NINL: variants seen among roughly 807,000 people sequenced by gnomAD.
NINL encodes ninein-like protein.
Under a neutral mutation model 160.3 loss-of-function variants are expected in NINL, and 153 were observed. That is an observed-to-expected ratio of 0.95 (90% CI 0.84 to 1.09). NINL has a LOEUF of 1.09. NINL is among the 50% of genes least tolerant of loss of function. The pLI, the probability that NINL is intolerant of heterozygous loss-of-function variation, is 0.00. For synonymous variants in NINL, 800 were observed against 734.8 expected (o/e 1.09, Z -1.43); for missense variants, 1,829 against 1,764.0 (o/e 1.04, Z -0.66).
chr20:25,470,104 A>G lies in NINL; in HGVS notation c.3249-9T>C. 6.2e-7 allele frequency: 1 copy of G among 1,611,574 alleles called. No individual in the cohort carries two copies. The highest frequency in any genetic ancestry group is 1.7e-5 in the Admixed American group (1 of 60,024). On this transcript the variant is annotated splice_polypyrimidine_tract_variant and intron_variant, in intron 17 of 23. Coordinates refer to ENST00000278886, the MANE Select transcript of NINL (RefSeq NM_025176.6). ...GTCTATGGAACTCCAGTCTGCGTAA[A>G]AATTGAGAAAAGACCGGTGAGCACT...
At chr20:25,564,749 T>C (rs1255718016) in intron 1 of NINL, among the ~76,000 whole-genome samples, 1 of 151,772 alleles carries the variant, frequency 6.6e-6, no homozygotes, top group Non-Finnish European at 1.5e-5. Context: ...CATTGCCCCA[T>C]TTCTGTTCTA....
At chr20:25,496,966 C>CTT (rs1354739567) in intron 9 of NINL, among the ~76,000 whole-genome samples, 163 bp from the exon 10 acceptor site, 5 of 152,218 alleles carry the variant, frequency 3.3e-5, no homozygotes, top group Non-Finnish European at 4.4e-5. Flanking sequence ...GTTTCTACAA[C>CTT]TGCTATGCTC....
In NINL at chr20:25,453,650, G is replaced by A. The variant is rs534326565; in HGVS notation, c.3958-8C>T. 3.1e-6 allele frequency: 5 copies of A among 1,593,440 alleles called. No homozygotes were observed. Among genetic ancestry groups the A allele is most frequent in the East Asian group, 2.2e-5 (1 of 44,452 alleles). On this transcript the variant is annotated splice_region_variant and splice_polypyrimidine_tract_variant and intron_variant, in intron 23 of 23. Coordinates refer to ENST00000278886, the MANE Select transcript of NINL (RefSeq NM_025176.6). ...CTTCGTGTTCTTTTCAAACTAGAGAGGGGAGGAAGCCATGCTTTGCATGAG... is the reference window on the plus strand; with the variant it reads ...CTTCGTGTTCTTTTCAAACTAGAGAAGGGAGGAAGCCATGCTTTGCATGAG...
intron 10 of NINL, 81 bp downstream of exon 10, chr20:25,496,582 G>A: frequency 6.5e-7 from 1 of 1,544,758 alleles, no homozygotes; most frequent in Non-Finnish European, 8.8e-7. Flanking sequence ...TCTGGCCCCT[G>A]GCAGCCCTGT....
At chr20:25,580,458 T>C (rs1264647142) in intron 1 of NINL, among the ~76,000 whole-genome samples, 2 of 152,186 alleles carry the variant, frequency 1.3e-5, no homozygotes, top group African/African-American at 2.4e-5. Flanking sequence ...AGAGCTCTCC[T>C]GTTTCAGAAA....
chr20:25,527,765 T>C (rs2064385142), intron 1 of NINL, among the ~76,000 whole-genome samples: 1 of 152,180 alleles, frequency 6.6e-6, no homozygotes, highest in South Asian at 2.1e-4. Flanking sequence ...CGTCCACTGC[T>C]GGAGGAAGGA....
At chr20:25,543,762 C>A (rs1459258247) in intron 1 of NINL, among the ~76,000 whole-genome samples, 1 of 152,086 alleles carries the variant, frequency 6.6e-6, no homozygotes, top group Admixed American at 6.5e-5. Context: ...ATTTGTAACT[C>A]CACTTCAGCC....
intron 21 of NINL, 99 bp from the exon 22 acceptor site, chr20:25,458,628 G>A (rs2090756440): frequency 1.6e-6 from 2 of 1,259,730 alleles, no homozygotes; most frequent in African/African-American, 1.5e-5. Flanking sequence ...CAAGGGCAAG[G>A]AAAGCGTGTG....
intron 19 of NINL, 117 bp downstream of exon 19, chr20:25,467,272 A>T: frequency 2.2e-6 from 2 of 928,928 alleles, no homozygotes; most frequent in Non-Finnish European, 3.5e-6. Context: ...TCAGCAACTC[A>T]CTGTCAAGTC....
intron 1 of NINL, among the ~76,000 whole-genome samples, chr20:25,532,199 G>A (rs1203003506): frequency 6.6e-6 from 1 of 152,178 alleles, no homozygotes; most frequent in Non-Finnish European, 1.5e-5. Flanking sequence ...ACAGCAGCTG[G>A]GCCTACCAGT....
chr20:25,569,218 ACT>A (rs1296573975), intron 1 of NINL, among the ~76,000 whole-genome samples: 1 of 147,642 alleles, frequency 6.8e-6, no homozygotes, highest in African/African-American at 2.5e-5. Context: ...ACAGAGCGAG[ACT>A]CTGTCTCAAA....
At chr20:25,562,950 G>A (rs1235656781) in intron 1 of NINL, among the ~76,000 whole-genome samples, 3 of 152,140 alleles carry the variant, frequency 2.0e-5, no homozygotes, top group African/African-American at 4.8e-5. Flanking sequence ...GGCAGATCAC[G>A]AGGTCAGGAG....
Position 25,462,481 on chromosome 20 carries a change from C to G in NINL, c.3484G>C (p.Glu1162Gln). The G allele has an allele frequency of 6.2e-7, 1 of 1,614,176 alleles. No individual in the cohort carries two copies. The highest frequency in any genetic ancestry group is 8.5e-7 in the Non-Finnish European group (1 of 1,180,028). Reference sequence around the variant, plus strand: ...TTTTGGGCCTGGTGGGTAGAAGCCTCCTGTCCCAGTTGAAGAACCCTGACA... The same window carrying G: ...TTTTGGGCCTGGTGGGTAGAAGCCTGCTGTCCCAGTTGAAGAACCCTGACA... Reference protein sequence around the residue: ...LNVRVLQLGQEASTHQAQNEE... With the variant: ...LNVRVLQLGQQASTHQAQNEE... Residue 1162 changes from glutamate (E) to glutamine (Q), a missense_variant, in exon 20 of 24, where the codon GAG becomes CAG. Physicochemically the swap from Glu to Gln is conservative, Grantham distance 29. Transcript: ENST00000278886.
chr20:25,473,675 TACACACACACAC>T (rs56359105), intron 17 of NINL, among the ~76,000 whole-genome samples: 2,215 of 137,976 alleles, frequency 0.016, 57 homozygotes, highest in African/African-American at 0.055. Flanking sequence ...AATACACACA[TACACACACACAC>T]ACACACACAC....
At chr20:25,473,427 G>T (rs2063151906) in intron 17 of NINL, among the ~76,000 whole-genome samples, 1 of 148,684 alleles carries the variant, frequency 6.7e-6, no homozygotes, top group Admixed American at 6.8e-5. Context: ...ACCAGCCTGG[G>T]CAAAATAGTG....
intron 4 of NINL, 131 bp from the exon 5 acceptor site, chr20:25,510,871 A>G: frequency 2.9e-6 from 2 of 697,884 alleles, no homozygotes; most frequent in Non-Finnish European, 2.4e-6. Flanking sequence ...CCCTCAGAGG[A>G]AAAGCCCACC....
chr20:25,491,514 T>C lies in NINL; in HGVS notation c.1322A>G (p.Gln441Arg). The change falls in exon 11 of 24, where the codon CAG (glutamine) becomes CGG (arginine). Residue 441 changes from glutamine (Q) to arginine (R), a missense_variant. Transcript: ENST00000278886. ...LTEKKIKHLE[Q>R]GYRERLSLLR... is the part of the protein sequence containing the mutation. ...GAGGCTCAGCCTTTCCCGGTACCCC[T>C]GCTCCAGATGCCTGTAACATGTCAC... is the stretch of plus-strand genomic sequence containing the variant. 6.2e-7 allele frequency: 1 copy of C among 1,613,652 alleles called. No individual in the cohort carries two copies. The highest frequency in any genetic ancestry group is 1.1e-5 in the South Asian group (1 of 91,026).
intron 11 of NINL, among the ~76,000 whole-genome samples, chr20:25,490,852 AG>A (rs1397328912): frequency 6.6e-6 from 1 of 152,152 alleles, no homozygotes; most frequent in Non-Finnish European, 1.5e-5. Context: ...GGAGCAGAGC[AG>A]GGACCAGCAC....
intron 2 of NINL, among the ~76,000 whole-genome samples, chr20:25,524,083 C>T (rs1014785888): frequency 5.3e-5 from 8 of 152,164 alleles, no homozygotes; most frequent in Non-Finnish European, 7.4e-5. Context: ...GACTTGATAC[C>T]GCTTCCCTTA....
Sources: allele counts gnomAD v4.1 joint callset (sites outside exome capture counted in the v4.1 genomes callset), GRCh38; gene constraint gnomAD v4.1.1; transcripts MANE v1.5; gene names NCBI Gene and HGNC (gene_info 2026-07-23, HGNC 2026-07-21).